The following DAP variants were observed in gnomAD, a reference collection of about 807,000 sequenced individuals.
DAP encodes death associated protein.
DAP carries 8 observed loss-of-function variants against 13.8 expected under a neutral mutation model. The ratio of observed to expected loss-of-function variants is 0.58; its 90% confidence interval spans 0.34 to 1.05. DAP has a LOEUF of 1.05. DAP is among the 50% of genes least tolerant of loss of function. DAP has a pLI of 0.03. For synonymous variants in DAP, 47 were observed against 47.5 expected (o/e 0.99, Z 0.04); for missense variants, 106 against 133.2 (o/e 0.80, Z 1.01).
At chr5:10,755,282 G>A (rs1740154150) in intron 1 of DAP, among the ~76,000 whole-genome samples, 1 of 152,168 alleles carries the variant, frequency 6.6e-6, no homozygotes, top group African/African-American at 2.4e-5. Flanking sequence ...CAAGAAAATG[G>A]GATTCTCCCC....
chr5:10,721,995 A>G (rs1447811894), intron 2 of DAP, among the ~76,000 whole-genome samples: 3 of 152,320 alleles, frequency 2.0e-5, no homozygotes, highest in African/African-American at 7.2e-5. Context: ...CGTTTCTGGT[A>G]GTACAAAGGA....
chr5:10,746,831 G>A (rs1009232626), intron 2 of DAP, among the ~76,000 whole-genome samples: 1 of 152,104 alleles, frequency 6.6e-6, no homozygotes, highest in African/African-American at 2.4e-5. Flanking sequence ...AATGGGGAAG[G>A]CCACTTAGAA....
chr5:10,700,344 C>A (rs1738547524), intron 2 of DAP, among the ~76,000 whole-genome samples: 1 of 152,178 alleles, frequency 6.6e-6, no homozygotes, highest in African/African-American at 2.4e-5. Flanking sequence ...AGAACTGCCA[C>A]CACCATCTCT....
chr5:10,752,857 C>T (rs1044736723), intron 1 of DAP, among the ~76,000 whole-genome samples: 4 of 152,214 alleles, frequency 2.6e-5, no homozygotes, highest in Non-Finnish European at 5.9e-5. Context: ...CAGGACCTGG[C>T]ACACAGGATG....
chr5:10,712,990 C>T (rs980964089), intron 2 of DAP, among the ~76,000 whole-genome samples: 1 of 152,180 alleles, frequency 6.6e-6, no homozygotes, highest in Non-Finnish European at 1.5e-5. Flanking sequence ...GGCCTCCATA[C>T]GACACATGTA....
chr5:10,700,539 G>C (rs1164866355), intron 2 of DAP, among the ~76,000 whole-genome samples: 3 of 152,234 alleles, frequency 2.0e-5, no homozygotes, highest in Admixed American at 6.5e-5. Flanking sequence ...TTCTGGTGGG[G>C]AGTTCTCACT....
chr5:10,698,396 T>C (rs1468464114), intron 2 of DAP, among the ~76,000 whole-genome samples: 1 of 151,862 alleles, frequency 6.6e-6, no homozygotes, highest in Admixed American at 6.6e-5. Flanking sequence ...ATAACTTACG[T>C]TCAACCCAAC....
intron 1 of DAP, among the ~76,000 whole-genome samples, chr5:10,755,249 C>A (rs978101194): frequency 6.6e-6 from 1 of 152,184 alleles, no homozygotes; most frequent in Non-Finnish European, 1.5e-5. Context: ...GGAAAGTGGG[C>A]AGCCTCTAGA....
At chr5:10,741,361 G>A (rs1286625497) in intron 2 of DAP, among the ~76,000 whole-genome samples, 5 of 152,126 alleles carry the variant, frequency 3.3e-5, no homozygotes, top group African/African-American at 7.2e-5. Flanking sequence ...TCAAAAAAAA[G>A]CAGGTGCGGT....
intron 2 of DAP, among the ~76,000 whole-genome samples, chr5:10,725,496 G>A (rs924834941): frequency 6.6e-6 from 1 of 152,208 alleles, no homozygotes; most frequent in African/African-American, 2.4e-5. Flanking sequence ...GCAGAAGCCG[G>A]TGCCGCTGCA....
At chr5:10,758,716 C>G (rs1488824108) in intron 1 of DAP, among the ~76,000 whole-genome samples, 1 of 152,184 alleles carries the variant, frequency 6.6e-6, no homozygotes, top group Non-Finnish European at 1.5e-5. Context: ...CCCAGTGAAG[C>G]GTGAAGTGAT....
chr5:10,739,019 G>A (rs1399881602), intron 2 of DAP, among the ~76,000 whole-genome samples: 5 of 151,952 alleles, frequency 3.3e-5, no homozygotes, highest in East Asian at 3.9e-4. Flanking sequence ...TGGCTAACAC[G>A]CTGAAACTCT....
At chr5:10,687,434 A>G (rs1480279593) in intron 2 of DAP, among the ~76,000 whole-genome samples, 1 of 152,230 alleles carries the variant, frequency 6.6e-6, no homozygotes, top group Non-Finnish European at 1.5e-5. Flanking sequence ...GGAGGTCAAA[A>G]TATCAATATT....
intron 2 of DAP, among the ~76,000 whole-genome samples, chr5:10,695,648 G>A: frequency 6.6e-6 from 1 of 152,326 alleles, no homozygotes; most frequent in East Asian, 1.9e-4. Context: ...AAGAGGCTGG[G>A]ACGGCAATCT....
At chr5:10,742,896 G>T (rs1350878727) in intron 2 of DAP, among the ~76,000 whole-genome samples, 1 of 151,194 alleles carries the variant, frequency 6.6e-6, no homozygotes, top group East Asian at 1.9e-4. Context: ...ATTCATTTCT[G>T]TATATCTGTA....
At chr5:10,753,870 T>C (rs775554702) in intron 1 of DAP, among the ~76,000 whole-genome samples, 15 of 152,200 alleles carry the variant, frequency 9.9e-5, no homozygotes, top group Non-Finnish European at 4.4e-5. Flanking sequence ...GAAGCTCTTC[T>C]ACCTAAAAGA....
intron 2 of DAP, among the ~76,000 whole-genome samples, chr5:10,722,472 TTAA>T (rs1461577945): frequency 4.0e-5 from 6 of 151,740 alleles, no homozygotes; most frequent in African/African-American, 1.2e-4. Context: ...AAGTTAATAC[TTAA>T]TAAACTCTCT....
chr5:10,700,962 G>C (rs758283797), intron 2 of DAP, among the ~76,000 whole-genome samples: 1 of 152,270 alleles, frequency 6.6e-6, no homozygotes, highest in Admixed American at 6.5e-5. Context: ...GGGCCATGGG[G>C]CCCCTGCTCT....
intron 2 of DAP, among the ~76,000 whole-genome samples, chr5:10,701,181 G>A (rs777886320): frequency 2.6e-5 from 4 of 152,232 alleles, no homozygotes; most frequent in African/African-American, 7.2e-5. Context: ...AACAAAAAAC[G>A]CAGTGTTTAA....
Sources: allele counts gnomAD v4.1 joint callset (sites outside exome capture counted in the v4.1 genomes callset), GRCh38; gene constraint gnomAD v4.1.1; transcripts MANE v1.5; gene names NCBI Gene and HGNC (gene_info 2026-07-23, HGNC 2026-07-21).